Variants in PPFIBP2 observed in about 807,000 individuals in gnomAD.
The protein encoded by PPFIBP2 is liprin-beta-2.
In PPFIBP2, 118 loss-of-function variants were observed where a neutral mutation model predicts 118.3. The ratio of observed to expected loss-of-function variants is 1.00; its 90% CI spans 0.86 to 1.16. The LOEUF is 1.16. Ranked by LOEUF, PPFIBP2 falls within the 50% of genes most tolerant of loss-of-function variation. PPFIBP2 has a pLI of 0.00. For synonymous variants in PPFIBP2, 414 were observed against 397.4 expected, an observed-to-expected ratio of 1.04 and a Z score of -0.50; for missense variants, 1,195 against 1,073.1, an observed-to-expected ratio of 1.11 and a Z score of -1.59.
chr11:7,537,756 G>C (rs1201182773), intron 1 of PPFIBP2, among the ~76,000 whole-genome samples: 1 of 152,182 alleles, frequency 6.6e-6, no homozygotes, highest in African/African-American at 2.4e-5. Context: ...CCTGGATGCT[G>C]TCTGGCTCCC....
At chr11:7,530,220 C>T (rs1462298269) in intron 1 of PPFIBP2, among the ~76,000 whole-genome samples, 1 of 152,178 alleles carries the variant, frequency 6.6e-6, no homozygotes, top group African/African-American at 2.4e-5. Flanking sequence ...TTTCTTAACC[C>T]TCTGACTAAC....
In PPFIBP2 at chr11:7,651,024, T is replaced by C. The variant is rs146813745; in HGVS notation, c.2247+59T>C. The stretch of plus-strand genomic sequence containing the variant: ...GGTGCAAATGGGATATTCAGAAACT[T>C]ATTTATTAAGGACAAGGCACAAAAG... On this transcript the variant is annotated intron_variant, in intron 22 of 23. Transcript: ENST00000299492. 3.5e-5 allele frequency: 54 copies of C among 1,564,310 alleles called. No homozygotes were observed. The African/African-American group carries it at 6.4e-4, about 18-fold the overall frequency.
chr11:7,632,819 T>C (rs1346146734), intron 11 of PPFIBP2, 48 bp from the exon 12 acceptor site: 3 of 1,463,448 alleles, frequency 2.0e-6, no homozygotes, highest in Non-Finnish European at 2.9e-6. Flanking sequence ...TGGTGGGTGG[T>C]CCCCAAACAG....
chr11:7,555,645 T>A (rs902692369), intron 2 of PPFIBP2, among the ~76,000 whole-genome samples: 2 of 151,862 alleles, frequency 1.3e-5, no homozygotes, highest in Non-Finnish European at 1.5e-5. Context: ...GTCTTAGGAG[T>A]GTCTAAGGGG....
chr11:7,539,286 A>G (rs537083939), intron 1 of PPFIBP2: 2 of 152,470 alleles, frequency 1.3e-5, no homozygotes, highest in East Asian at 1.9e-4. Flanking sequence ...CTCTGTCCTG[A>G]GGGAAATTTA....
chr11:7,661,893 A>G (rs57508377), downstream of PPFIBP2, among the ~76,000 whole-genome samples: 13,505 of 122,540 alleles, frequency 0.11, 1,435 homozygotes, highest in East Asian at 0.43. Flanking sequence ...TCCCTTTACC[A>G]TTATGTAATG....
At chr11:7,557,717 C>T (rs768510450) in intron 2 of PPFIBP2, among the ~76,000 whole-genome samples, 7 of 151,948 alleles carry the variant, frequency 4.6e-5, no homozygotes, top group Non-Finnish European at 8.8e-5. Context: ...TCATTTTGAG[C>T]GCTCTTTTTG....
intron 3 of PPFIBP2, among the ~76,000 whole-genome samples, chr11:7,566,807 T>C (rs1277199923): frequency 6.6e-6 from 1 of 152,198 alleles, no homozygotes; most frequent in Non-Finnish European, 1.5e-5. Context: ...TCAGGGTATT[T>C]AGGGTATCCA....
At chr11:7,527,895 G>T (rs150981367) in intron 1 of PPFIBP2, among the ~76,000 whole-genome samples, 1 of 152,144 alleles carries the variant, frequency 6.6e-6, no homozygotes, top group Non-Finnish European at 1.5e-5. Flanking sequence ...GGAAATTACC[G>T]TCTATGAAGT....
intron 19 of PPFIBP2, 105 bp from the exon 20 acceptor site, chr11:7,649,042 G>T: frequency 7.3e-7 from 1 of 1,369,642 alleles, no homozygotes; most frequent in Non-Finnish European, 1.0e-6. Context: ...TAAACTTTTG[G>T]GGGAATAAAA....
At chr11:7,529,517 C>T (rs1037848972) in intron 1 of PPFIBP2, among the ~76,000 whole-genome samples, 6 of 152,144 alleles carry the variant, frequency 3.9e-5, no homozygotes, top group Non-Finnish European at 8.8e-5. Context: ...GCCATCTTCT[C>T]TCAAGGCCAT....
intron 5 of PPFIBP2, among the ~76,000 whole-genome samples, chr11:7,599,931 A>G (rs1023823307): frequency 1.3e-5 from 2 of 151,396 alleles, no homozygotes; most frequent in African/African-American, 2.4e-5. Flanking sequence ...GGTGTGAGCC[A>G]CTGCGCCCGG....
chr11:7,665,580 G>A, the PPFIBP2 span: 1,684 of 1,559,578 alleles, frequency 1.1e-3, 1 homozygote, highest in Admixed American at 1.4e-3. Flanking sequence ...CAAGCTGAGC[G>A]ATGCCAGGTG....
chr11:7,651,713 C>G lies in PPFIBP2; in HGVS notation c.2305C>G (p.Gln769Glu). ...GGCTATGCTTCTCAACATCCCCCCACAAAAGACGCTCCTCAGGCGCCACCT... is the reference window on the plus strand; with the variant it reads ...GGCTATGCTTCTCAACATCCCCCCAGAAAAGACGCTCCTCAGGCGCCACCT... ...TLAMLLNIPP[Q>E]KTLLRRHLTT... is the part of the protein sequence containing the mutation. The change falls in exon 23 of 24, where the codon CAA (glutamine) becomes GAA (glutamate). Residue 769 changes from glutamine to glutamate, a missense_variant. Physicochemically the swap from Gln to Glu is conservative, Grantham distance 29. Transcript: ENST00000299492. 1 of 1,613,914 alleles carries G rather than the reference C, an allele frequency of 6.2e-7. No individual in the cohort carries two copies. Among genetic ancestry groups the G allele is most frequent in the African/African-American group, 1.3e-5 (1 of 75,056 alleles).
intron 5 of PPFIBP2, among the ~76,000 whole-genome samples, chr11:7,605,558 G>C (rs1303454944): frequency 6.6e-6 from 1 of 152,164 alleles, no homozygotes; most frequent in African/African-American, 2.4e-5. Context: ...CACGACAAAA[G>C]ACTAACAAAT....
chr11:7,523,748 G>A (rs890224679), intron 1 of PPFIBP2, among the ~76,000 whole-genome samples: 2 of 152,142 alleles, frequency 1.3e-5, no homozygotes, highest in Non-Finnish European at 2.9e-5. Flanking sequence ...GCTTATGGTC[G>A]CTGTGGTGTT....
intron 2 of PPFIBP2, among the ~76,000 whole-genome samples, chr11:7,562,065 G>A (rs1314683673): frequency 1.3e-5 from 2 of 152,262 alleles, no homozygotes; most frequent in South Asian, 2.1e-4. Flanking sequence ...TAGATCCCTC[G>A]CATGCACAGT....
chr11:7,553,534 G>A (rs1247301941), intron 2 of PPFIBP2, among the ~76,000 whole-genome samples: 2 of 152,312 alleles, frequency 1.3e-5, no homozygotes, highest in East Asian at 3.9e-4. Flanking sequence ...TTATTAACAT[G>A]GACTACAGAG....
At chr11:7,666,777 A>G in the PPFIBP2 span, 1 of 426,906 alleles carries the variant, frequency 2.3e-6, no homozygotes, top group Non-Finnish European at 4.3e-6. Context: ...CATGGGATGT[A>G]GGTTCCCATG....
Sources: allele counts gnomAD v4.1 joint callset (sites outside exome capture counted in the v4.1 genomes callset), GRCh38; gene constraint gnomAD v4.1.1; transcripts MANE v1.5; gene names NCBI Gene and HGNC (gene_info 2026-07-23, HGNC 2026-07-21).